EPB41L4A: variants seen among roughly 807,000 people sequenced by gnomAD.
The protein encoded by EPB41L4A is erythrocyte membrane protein band 4.1 like 4A, also known as band 4.1-like protein 4A.
Under a neutral mutation model 108.6 loss-of-function variants are expected in EPB41L4A, and 100 were observed. The observed-to-expected ratio is 0.92, with a 90% confidence interval of 0.78 to 1.09. The LOEUF (loss-of-function observed/expected upper bound fraction) is 1.09, where lower values mean the gene tolerates loss of function less well. Among genes scored for constraint, EPB41L4A ranks in the 50% least tolerant of loss-of-function variants. The pLI, the probability that EPB41L4A is intolerant of heterozygous loss-of-function variation, is 0.00. For synonymous variants in EPB41L4A, 319 were observed against 289.0 expected, an observed-to-expected ratio of 1.10 and a Z score of -1.05; for missense variants, 1,030 against 842.7, an observed-to-expected ratio of 1.22 and a Z score of -2.75.
rs1761926696 is a variant in EPB41L4A, at chr5:112,195,580, C to CG, written c.1424+80dup. 3 of 1,197,020 alleles carry CG rather than the reference C, an allele frequency of 2.5e-6. No homozygotes were observed. In the Admixed American group the frequency reaches 6.0e-5, roughly 24 times the overall value. The allele number at this position is 1,197,020 out of a possible 1,614,324, so 74.1% of individuals were successfully genotyped here. ...AAAAAATAAAAAAAAATAATGCCCC[C>CG]GCTCTTTCCTTAACTCTGAGCATTT... is the stretch of plus-strand genomic sequence containing the variant. On this transcript the variant is annotated intron_variant, in intron 16 of 22. Transcript: ENST00000261486.
intron 1 of EPB41L4A, among the ~76,000 whole-genome samples, chr5:112,320,929 C>T: frequency 6.6e-6 from 1 of 152,216 alleles, no homozygotes; most frequent in East Asian, 1.9e-4. Context: ...AACTCCCCAA[C>T]CCATGAATGT....
chr5:112,238,017 A>T (rs1749478013), intron 11 of EPB41L4A, among the ~76,000 whole-genome samples: 1 of 152,230 alleles, frequency 6.6e-6, no homozygotes, highest in Non-Finnish European at 1.5e-5. Context: ...CAGTAGCCAC[A>T]ACATTTGCAT....
intron 1 of EPB41L4A, among the ~76,000 whole-genome samples, chr5:112,324,493 G>A (rs572487549): frequency 6.6e-6 from 1 of 152,126 alleles, no homozygotes; most frequent in East Asian, 1.9e-4. Context: ...TGGAGGCCGA[G>A]GCGGGCAGAT....
At position 112,179,164 on chromosome 5, in the gene EPB41L4A, T is replaced by C. The variant is rs767436367; in HGVS notation, c.1622+4852A>G. ...TCAAAACTTACACATAAGTATAAAA[T>C]ATGAATATCTCAATATCTGTCAAAG... On this transcript the variant is annotated intron_variant, in intron 18 of 22. Coordinates refer to ENST00000261486, the MANE Select transcript of EPB41L4A (RefSeq NM_022140.5). Among the ~76,000 whole-genome samples the C allele has an allele frequency of 3.3e-5, 5 of 152,146 alleles. No individual in the cohort carries two copies. In the South Asian group the frequency reaches 6.2e-4, roughly 19 times the overall value.
chr5:112,184,202 A>G, intron 17 of EPB41L4A, 67 bp from the exon 18 acceptor site: 1 of 1,569,706 alleles, frequency 6.4e-7, no homozygotes, highest in Non-Finnish European at 8.6e-7. Flanking sequence ...TTCATCCTAA[A>G]CTTGCTTTTA....
At chr5:112,294,218 A>C (rs571623595) in intron 2 of EPB41L4A, among the ~76,000 whole-genome samples, 3 of 152,218 alleles carry the variant, frequency 2.0e-5, no homozygotes, top group African/African-American at 7.2e-5. Flanking sequence ...TTTAAATGTA[A>C]GTTAAATCTG....
intron 1 of EPB41L4A, among the ~76,000 whole-genome samples, chr5:112,319,059 T>A (rs964027721): frequency 1.3e-5 from 2 of 152,156 alleles, no homozygotes; most frequent in African/African-American, 4.8e-5. Flanking sequence ...CCCACATCTT[T>A]GGTTTCTAAA....
chr5:112,239,633 C>A (rs762353462), intron 11 of EPB41L4A, 27 bp downstream of exon 11: 4 of 1,440,214 alleles, frequency 2.8e-6, no homozygotes, highest in Non-Finnish European at 3.8e-6. Flanking sequence ...ACAAACACAT[C>A]CCCCCAAGGA....
upstream of EPB41L4A, chr5:112,419,521 C>T (rs1211966048): frequency 2.5e-6 from 1 of 393,196 alleles, no homozygotes; most frequent in Non-Finnish European, 5.1e-6. Flanking sequence ...GGCGTCCGAT[C>T]GGCCTGCGGA....
chr5:112,196,317 A>G (rs1487646297), intron 15 of EPB41L4A, among the ~76,000 whole-genome samples: 2 of 152,198 alleles, frequency 1.3e-5, no homozygotes, highest in Non-Finnish European at 2.9e-5. Context: ...TGTGATTTAA[A>G]TAAGTTACTT....
At position 112,254,012 on chromosome 5, in the gene EPB41L4A, T is replaced by C. The variant is rs932172738; in HGVS notation, c.795+5217A>G. On this transcript the variant is annotated intron_variant, in intron 9 of 22. Transcript: ENST00000261486. The stretch of plus-strand genomic sequence containing the variant: ...AAGCAAGCCGGAGAGTTCTGCCAAG[T>C]GGATCTCATTACTCACAGCCAGAGT... Among the ~76,000 whole-genome samples, 8 of 152,190 alleles carry C rather than the reference T, an allele frequency of 5.3e-5. 1 individual carries two copies. Among genetic ancestry groups the C allele is most frequent in the Admixed American group, 4.6e-4 (7 of 15,272 alleles).
chr5:112,206,241 C>T (rs1416166529), intron 13 of EPB41L4A, among the ~76,000 whole-genome samples: 1 of 152,142 alleles, frequency 6.6e-6, no homozygotes, highest in African/African-American at 2.4e-5. Context: ...AGCTATTTAA[C>T]TCCAAATCCA....
chr5:112,159,084 T>G (rs775899093), downstream of EPB41L4A, among the ~76,000 whole-genome samples: 14 of 152,232 alleles, frequency 9.2e-5, no homozygotes, highest in Non-Finnish European at 2.1e-4. Flanking sequence ...TTACTAATTC[T>G]GTACAGTCAT....
rs1016056844 is a variant in EPB41L4A at position 112,170,944 on chromosome 5, C to A, written c.1670+1G>T. 1 of 1,613,034 alleles carries A rather than the reference C, an allele frequency of 6.2e-7. No individual in the cohort carries two copies. Among genetic ancestry groups the A allele is most frequent in the African/African-American group, 1.3e-5 (1 of 75,040 alleles). On this transcript the variant is annotated splice_donor_variant, in intron 19 of 22. Coordinates refer to ENST00000261486, the MANE Select transcript of EPB41L4A (RefSeq NM_022140.5). LOFTEE classifies it high-confidence loss of function. ...CAATAAGAAAGAAAACTATTACTCA[C>A]TGAATGTGCTTCCATAACTCTTCTT...
rs561328868 is a variant in EPB41L4A, at chr5:112,346,216, A to ATTTT, written c.100-38730_100-38727dup. Among the ~76,000 whole-genome samples, 4 of 67,344 alleles carry ATTTT rather than the reference A, an allele frequency of 5.9e-5. 1 individual carries two copies. The highest frequency in any genetic ancestry group is 1.2e-4 in the Non-Finnish European group (4 of 32,334). The allele number at this position is 67,344 out of a possible 152,430, so 44.2% of individuals were successfully genotyped here. A position where few individuals can be genotyped will look rare whatever the true frequency, so the allele number is the denominator to read the frequency against. ...AATTCTTTAAAGTTAGGTACATTGCATTTTTTTTTTTTTTTTTTTTTTTTT... is the reference window on the plus strand; with the variant it reads ...AATTCTTTAAAGTTAGGTACATTGCATTTTTTTTTTTTTTTTTTTTTTTTTTTTT... On this transcript the variant is annotated intron_variant, in intron 1 of 22. Coordinates refer to ENST00000261486, the MANE Select transcript of EPB41L4A (RefSeq NM_022140.5).
intron 12 of EPB41L4A, among the ~76,000 whole-genome samples, chr5:112,222,978 G>A (rs1227456113): frequency 6.9e-6 from 1 of 145,942 alleles, no homozygotes; most frequent in African/African-American, 2.6e-5. Context: ...GTCTGGCTCT[G>A]TCGCCCAGGC....
At chr5:112,146,831 C>T (rs1471061086) in intron 12 of EPB41L4A, among the ~76,000 whole-genome samples, 15 of 152,194 alleles carry the variant, frequency 9.9e-5, no homozygotes, top group Admixed American at 9.8e-4. Flanking sequence ...AATCTTACCA[C>T]TCAAAGATGT....
intron 1 of EPB41L4A, among the ~76,000 whole-genome samples, chr5:112,373,173 T>G (rs1438409920): frequency 1.3e-5 from 2 of 152,172 alleles, no homozygotes; most frequent in Non-Finnish European, 2.9e-5. Context: ...ATGCTCCCAT[T>G]TCTAATCTCC....
chr5:112,344,498 T>A (rs1471142978), intron 1 of EPB41L4A, among the ~76,000 whole-genome samples: 2 of 152,252 alleles, frequency 1.3e-5, no homozygotes, highest in Non-Finnish European at 2.9e-5. Context: ...CAGTTTTAAG[T>A]GAACTTGGTT....
Sources: allele counts gnomAD v4.1 joint callset (sites outside exome capture counted in the v4.1 genomes callset), GRCh38; gene constraint gnomAD v4.1.1; transcripts MANE v1.5; gene names NCBI Gene and HGNC (gene_info 2026-07-23, HGNC 2026-07-21).